Variants in GRIK4 observed in about 807,000 individuals in gnomAD.
GRIK4 encodes glutamate ionotropic receptor kainate type subunit 4, also known as glutamate receptor ionotropic, kainate 4.
GRIK4 carries 40 observed loss-of-function variants against 104.9 expected under a neutral mutation model. That is an observed-to-expected ratio of 0.38 (90% CI 0.30 to 0.50). GRIK4 has a LOEUF of 0.50. GRIK4 is among the 20% of genes least tolerant of loss of function. The pLI is 0.93. For synonymous variants in GRIK4, 485 were observed against 524.9 expected, an observed-to-expected ratio of 0.92 and a Z score of 1.04; for missense variants, 1,047 against 1,308.1, an observed-to-expected ratio of 0.80 and a Z score of 3.08.
At chr11:120,591,859 T>TC (rs1948737938) in intron 1 of GRIK4, among the ~76,000 whole-genome samples, 1 of 152,182 alleles carries the variant, frequency 6.6e-6, no homozygotes, top group Non-Finnish European at 1.5e-5. Context: ...CATCCCTCCC[T>TC]CCTCTTCTGT....
chr11:120,783,635 G>T (rs1335249377), intron 3 of GRIK4, among the ~76,000 whole-genome samples: 2 of 152,142 alleles, frequency 1.3e-5, no homozygotes, highest in African/African-American at 4.8e-5. Flanking sequence ...ATGGCATATG[G>T]CATCGGAATA....
intron 1 of GRIK4, among the ~76,000 whole-genome samples, chr11:120,538,242 G>A (rs979966711): frequency 2.0e-4 from 30 of 152,328 alleles, no homozygotes; most frequent in South Asian, 1.9e-3. Flanking sequence ...TCACTTGGGC[G>A]TCAGGGCAGT....
At chr11:120,832,071 A>T in intron 7 of GRIK4, 41 bp downstream of exon 7, 1 of 1,364,998 alleles carries the variant, frequency 7.3e-7, no homozygotes. Context: ...GCTGAGCTCC[A>T]CCCTCCCCCC....
At chr11:120,693,441 G>C (rs751916212) in intron 3 of GRIK4, among the ~76,000 whole-genome samples, 3 of 152,188 alleles carry the variant, frequency 2.0e-5, no homozygotes, top group Non-Finnish European at 4.4e-5. Context: ...CCAGCAGTAA[G>C]ATGAAGGAAA....
intron 1 of GRIK4, among the ~76,000 whole-genome samples, chr11:120,517,017 C>T (rs1947736735): frequency 7.7e-6 from 1 of 130,294 alleles, no homozygotes; most frequent in South Asian, 2.5e-4. Flanking sequence ...TCGCGTGCCT[C>T]AGTCTCACCT....
At chr11:120,885,834 TG>T (rs1399222131) in intron 11 of GRIK4, among the ~76,000 whole-genome samples, 14 of 152,254 alleles carry the variant, frequency 9.2e-5, no homozygotes, top group African/African-American at 3.4e-4. Context: ...CATACAGGGG[TG>T]GCATTTTTAG....
chr11:120,547,594 A>AT (rs72165599), intron 1 of GRIK4, among the ~76,000 whole-genome samples: 79 of 145,384 alleles, frequency 5.4e-4, no homozygotes, highest in East Asian at 2.0e-3. Flanking sequence ...ACATTCAGGG[A>AT]TTTTTTTTTT....
At chr11:120,687,998 C>T (rs1334512031) in intron 3 of GRIK4, among the ~76,000 whole-genome samples, 2 of 152,114 alleles carry the variant, frequency 1.3e-5, no homozygotes, top group African/African-American at 2.4e-5. Context: ...ATTTGAGGAC[C>T]CTCAAGTCCT....
At chr11:120,710,259 C>T (rs1019488589) in intron 3 of GRIK4, among the ~76,000 whole-genome samples, 3 of 152,170 alleles carry the variant, frequency 2.0e-5, no homozygotes, top group Non-Finnish European at 2.9e-5. Context: ...TTTTCTGGGA[C>T]CTGTTCCATT....
intron 1 of GRIK4, among the ~76,000 whole-genome samples, chr11:120,597,337 G>T (rs1328185227): frequency 1.3e-5 from 2 of 152,200 alleles, no homozygotes; most frequent in African/African-American, 4.8e-5. Context: ...TTCTGGGGAG[G>T]ATGCAGTGAG....
rs550321860 is a variant in GRIK4 at position 120,722,435 on chromosome 11, C to T, written c.82+62035C>T. ...GGAGTTCTGACCAACATGGTAAAAC[C>T]CCGTCTCTACTAAAAATACAAATTT... On this transcript the variant is annotated intron_variant, in intron 3 of 20. Coordinates refer to ENST00000527524, the MANE Select transcript of GRIK4 (RefSeq NM_014619.5). 3.7e-4 allele frequency among the ~76,000 whole-genome samples: 56 copies of T among 151,946 alleles called. 1 individual carries two copies. The highest frequency in any genetic ancestry group is 1.3e-3 in the African/African-American group (55 of 41,442).
chr11:120,802,997 A>G, intron 4 of GRIK4, 140 bp downstream of exon 4: 1 of 762,768 alleles, frequency 1.3e-6, no homozygotes, highest in Non-Finnish European at 2.1e-6. Flanking sequence ...AACTTGAACC[A>G]GGAGGTCCTG....
intron 1 of GRIK4, chr11:120,620,023 G>C (rs10502238): frequency 0.036 from 20,419 of 560,530 alleles, 2,158 homozygotes; most frequent in East Asian, 0.22. Context: ...TGTTAGCGTA[G>C]TGAACCTGTG....
At chr11:120,859,289 A>G (rs1446292707) in intron 8 of GRIK4, 1 of 152,194 alleles carries the variant, frequency 6.6e-6, no homozygotes, top group Non-Finnish European at 1.5e-5. Flanking sequence ...TGTTTCTTGA[A>G]ATAACCTATA....
intron 1 of GRIK4, among the ~76,000 whole-genome samples, chr11:120,551,259 C>A (rs1334043212): frequency 6.6e-6 from 1 of 152,140 alleles, no homozygotes; most frequent in African/African-American, 2.4e-5. Context: ...ACTCCCATAG[C>A]CCTTGTTACT....
intron 19 of GRIK4, among the ~76,000 whole-genome samples, chr11:120,970,104 C>G (rs1944450302): frequency 6.6e-6 from 1 of 152,214 alleles, no homozygotes; most frequent in Admixed American, 6.5e-5. Flanking sequence ...TGCTAGCTGT[C>G]AGAAGCTACC....
chr11:120,831,334 C>T (rs1221592921), intron 6 of GRIK4, among the ~76,000 whole-genome samples: 1 of 152,236 alleles, frequency 6.6e-6, no homozygotes, highest in Non-Finnish European at 1.5e-5. Flanking sequence ...GAGGCTCGGG[C>T]CTGAGCCCTT....
At chr11:120,626,267 G>A (rs1591750110) in intron 1 of GRIK4, among the ~76,000 whole-genome samples, 1 of 152,178 alleles carries the variant, frequency 6.6e-6, no homozygotes, top group Non-Finnish European at 1.5e-5. Flanking sequence ...CCTGTGTGCT[G>A]GTGACAGATG....
chr11:120,626,635 C>T (rs894939124), intron 1 of GRIK4, among the ~76,000 whole-genome samples: 1 of 152,172 alleles, frequency 6.6e-6, no homozygotes, highest in Non-Finnish European at 1.5e-5. Flanking sequence ...CCCCAGGGAA[C>T]AGTAGTCTCC....
Sources: gnomAD v4.1 joint callset for allele counts (sites outside exome capture counted in the v4.1 genomes callset) on GRCh38, gnomAD v4.1.1 for gene constraint, MANE v1.5 for transcripts, NCBI Gene and HGNC (gene_info 2026-07-23, HGNC 2026-07-21) for gene names.